The following KRT8 variants were observed in gnomAD, a reference collection of about 807,000 sequenced individuals.
KRT8 encodes keratin, type II cytoskeletal 8.
Under a neutral mutation model 43.0 loss-of-function variants are expected in KRT8, and 24 were observed. That is an observed-to-expected ratio of 0.56 (90% confidence interval 0.40 to 0.78). The LOEUF (loss-of-function observed/expected upper bound fraction) is 0.78. KRT8 is among the 30% of genes least tolerant of loss of function. The pLI, the probability that KRT8 is intolerant of heterozygous loss-of-function variation, is 0.00. For synonymous variants in KRT8, 214 were observed against 261.2 expected (o/e 0.82, Z 1.74); for missense variants, 492 against 638.4 (o/e 0.77, Z 2.47).
chr12:52,948,712 G>C, intron 2 of KRT8: 1 of 389,896 alleles, frequency 2.6e-6, no homozygotes, highest in Non-Finnish European at 4.5e-6. Flanking sequence ...GGATGGTCTC[G>C]ATCTCCTGAC....
At chr12:52,918,118 G>C (rs1333660219) in intron 2 of KRT8, among the ~76,000 whole-genome samples, 1 of 139,366 alleles carries the variant, frequency 7.2e-6, no homozygotes, top group Non-Finnish European at 1.5e-5. Flanking sequence ...AGAAGAAGAA[G>C]AGGAAGAAGA....
At chr12:52,923,863 T>C (rs532587022) in intron 2 of KRT8, among the ~76,000 whole-genome samples, 9 of 151,976 alleles carry the variant, frequency 5.9e-5, no homozygotes, top group Non-Finnish European at 8.8e-5. Context: ...ATTTTTTTTT[T>C]CGAGACGGAG....
chr12:52,949,058 C>G (rs1054017201), intron 2 of KRT8: 31 of 1,017,660 alleles, frequency 3.0e-5, no homozygotes, highest in Admixed American at 2.2e-4. Flanking sequence ...TCCGAAGCGG[C>G]TCCGGGGCGG....
chr12:52,933,678 G>C (rs141679871), intron 2 of KRT8, among the ~76,000 whole-genome samples: 5 of 151,926 alleles, frequency 3.3e-5, no homozygotes, highest in African/African-American at 1.2e-4. Context: ...AGGCTGAAGC[G>C]CAATGGGACA....
At chr12:52,905,158 G>C, upstream of KRT8, 3 of 1,258,218 alleles carry the variant, frequency 2.4e-6, no homozygotes, top group Non-Finnish European at 3.2e-6. Context: ...AGAGGGGGCT[G>C]GGCCTAACCC....
intron 2 of KRT8, among the ~76,000 whole-genome samples, chr12:52,918,613 C>T (rs1320827588): frequency 6.6e-6 from 1 of 152,150 alleles, no homozygotes; most frequent in Admixed American, 6.6e-5. Context: ...CAGCCACTTC[C>T]TAATGGTGTT....
chr12:52,927,671 G>T (rs1031011886), intron 2 of KRT8, among the ~76,000 whole-genome samples: 2 of 152,336 alleles, frequency 1.3e-5, no homozygotes, highest in Non-Finnish European at 2.9e-5. Context: ...GAAATCTGGG[G>T]ATGGGCAGTC....
At chr12:52,900,492 G>C (rs905595693) in intron 4 of KRT8, 96 bp downstream of exon 4, 14 of 806,856 alleles carry the variant, frequency 1.7e-5, no homozygotes, top group African/African-American at 1.7e-4. Flanking sequence ...TGTCTTATTA[G>C]TGTGCTGGGG....
At chr12:52,921,826 C>A (rs1016580311) in intron 2 of KRT8, among the ~76,000 whole-genome samples, 3 of 152,044 alleles carry the variant, frequency 2.0e-5, no homozygotes. Context: ...ATAAAATAAG[C>A]ATTATCTGCA....
chr12:52,933,691 C>T (rs1942120434), intron 2 of KRT8, among the ~76,000 whole-genome samples: 1 of 152,002 alleles, frequency 6.6e-6, no homozygotes, highest in African/African-American at 2.4e-5. Flanking sequence ...ATGGGACAGT[C>T]TCGGCTCACT....
At position 52,925,564 on chromosome 12, in the gene KRT8, T is replaced by C. The variant is rs76518569; in HGVS notation, c.-46-20537A>G. Among the ~76,000 whole-genome samples the C allele has an allele frequency of 3.4e-3, 521 of 152,216 alleles. 3 individuals are homozygous for C. The highest frequency in any genetic ancestry group is 0.014 in the Middle Eastern group (4 of 294). ...AAGTGTGGCACATTCAGGAATGAGATTGGAGCAAAAGGGATCTCTTTGGCG... is the reference window on the plus strand; with the variant it reads ...AAGTGTGGCACATTCAGGAATGAGACTGGAGCAAAAGGGATCTCTTTGGCG... On this transcript the variant is annotated intron_variant, in intron 2 of 6. Coordinates refer to the KRT8 transcript ENST00000546826.
intron 1 of KRT8, among the ~76,000 whole-genome samples, chr12:52,904,194 G>C (rs1941452730): frequency 6.6e-6 from 1 of 152,128 alleles, no homozygotes; most frequent in African/African-American, 2.4e-5. Context: ...GGTAGTGCTG[G>C]CGAAGAGGCG....
chr12:52,924,856 G>A (rs1387988224), intron 2 of KRT8, among the ~76,000 whole-genome samples: 6 of 152,326 alleles, frequency 3.9e-5, no homozygotes, highest in African/African-American at 1.2e-4. Context: ...AACAGCCAAC[G>A]CACAGAGGAG....
chr12:52,926,323 G>A, intron 2 of KRT8: 1 of 1,005,196 alleles, frequency 9.9e-7, no homozygotes, highest in Non-Finnish European at 1.5e-6. Flanking sequence ...TCCCCACCTG[G>A]CACTAGCTGC....
chr12:52,918,146 A>T (rs1941791689), intron 2 of KRT8, among the ~76,000 whole-genome samples: 1 of 143,410 alleles, frequency 7.0e-6, no homozygotes, highest in East Asian at 2.1e-4. Context: ...GGAGAGGGAG[A>T]GGGAGAAGGG....
chr12:52,914,197 T>C (rs1456071814), intron 2 of KRT8, among the ~76,000 whole-genome samples: 2 of 151,526 alleles, frequency 1.3e-5, no homozygotes, highest in Non-Finnish European at 2.9e-5. Flanking sequence ...CACTCCAGCC[T>C]GGGCGACAGA....
chr12:52,929,312 C>T (rs1489392761), intron 2 of KRT8, among the ~76,000 whole-genome samples: 1 of 151,950 alleles, frequency 6.6e-6, no homozygotes, highest in African/African-American at 2.4e-5. Flanking sequence ...TTGCCTCAAC[C>T]TCCTGAGTAG....
intron 5 of KRT8, 122 bp from the exon 6 acceptor site, chr12:52,899,021 A>C: frequency 1.2e-6 from 1 of 862,240 alleles, no homozygotes; most frequent in Non-Finnish European, 1.9e-6. Context: ...GCTCAAATTA[A>C]ATGAGACTAA....
chr12:52,901,313 AT>A, intron 2 of KRT8, 94 bp from the exon 3 acceptor site: 1 of 914,724 alleles, frequency 1.1e-6, no homozygotes, highest in Non-Finnish European at 1.8e-6. Flanking sequence ...AATCAGGAAA[AT>A]TCAGTTCACA....
Sources: gnomAD v4.1 joint callset for allele counts (sites outside exome capture counted in the v4.1 genomes callset) on GRCh38, gnomAD v4.1.1 for gene constraint, MANE v1.5 for transcripts, NCBI Gene and HGNC (gene_info 2026-07-23, HGNC 2026-07-21) for gene names.